The following SMYD3 variants were observed in gnomAD, a reference collection of about 807,000 sequenced individuals.
SMYD3 encodes SET and MYND domain containing 3, also known as histone-lysine N-methyltransferase SMYD3.
A neutral mutation model predicts 57.7 loss-of-function variants in SMYD3; 36 were observed. The observed-to-expected ratio is 0.62, with a 90% CI of 0.48 to 0.82. The LOEUF is 0.82. Ranked by LOEUF, SMYD3 falls within the 40% of genes least tolerant of loss-of-function variation. The pLI is 0.00. For missense variants in SMYD3, 515 were observed against 538.8 expected (o/e 0.96, Z 0.44); for synonymous variants, 211 against 195.0 (o/e 1.08, Z -0.68).
At chr1:246,373,273 T>C (rs1269591244) in intron 1 of SMYD3, among the ~76,000 whole-genome samples, 2 of 152,184 alleles carry the variant, frequency 1.3e-5, no homozygotes, top group Non-Finnish European at 2.9e-5. Flanking sequence ...AAAGGAAATA[T>C]GTATTATTTA....
At chr1:246,295,726 G>A (rs981897087) in intron 5 of SMYD3, among the ~76,000 whole-genome samples, 14 of 152,156 alleles carry the variant, frequency 9.2e-5, no homozygotes, top group African/African-American at 3.4e-4. Flanking sequence ...TACAATACCA[G>A]TTCCATCAAT....
chr1:246,307,132 G>A (rs993820357), intron 5 of SMYD3, among the ~76,000 whole-genome samples: 10 of 152,128 alleles, frequency 6.6e-5, no homozygotes, highest in African/African-American at 2.2e-4. Flanking sequence ...TAGTCCACAT[G>A]AAAAATAGCT....
chr1:245,850,044 T>C (rs1482908110), intron 10 of SMYD3, among the ~76,000 whole-genome samples: 1 of 152,006 alleles, frequency 6.6e-6, no homozygotes, highest in African/African-American at 2.4e-5. Context: ...AGGAATTATG[T>C]ATAACTTGGG....
intron 5 of SMYD3, among the ~76,000 whole-genome samples, chr1:246,257,073 G>T (rs907757912): frequency 6.6e-6 from 1 of 152,154 alleles, no homozygotes; most frequent in Non-Finnish European, 1.5e-5. Flanking sequence ...CTTGCTTTAT[G>T]GCTGAACATG....
rs554361614 is a variant in SMYD3 at position 246,250,799 on chromosome 1, A to G, written c.531+76402T>C. 2.0e-5 allele frequency among the ~76,000 whole-genome samples: 3 copies of G among 152,342 alleles called. No homozygotes were observed. The South Asian group carries it at 6.2e-4, about 32-fold the overall frequency. On this transcript the variant is annotated intron_variant, in intron 5 of 11. Transcript: ENST00000490107. Reference sequence around the variant, plus strand: ...GTGCAACCATCTTTTAATGATAGTTAACTGCTTTAAGAAAGCAATAAACTA... The same window carrying G: ...GTGCAACCATCTTTTAATGATAGTTGACTGCTTTAAGAAAGCAATAAACTA...
chr1:246,169,406 C>T lies in SMYD3; in HGVS notation c.531+157795G>A, dbSNP rs1339594576. 2.3e-4 allele frequency among the ~76,000 whole-genome samples: 14 copies of T among 59,824 alleles called. 1 individual carries two copies. In the South Asian group the frequency reaches 5.9e-3, roughly 25 times the overall value. The allele number at this position is 59,824 out of a possible 152,430, so 39.2% of individuals were successfully genotyped here. ...CAAAAAAAAAAAAAAAAAAAAAAACCTCTAACAATATATGTGAAAAGGGCA... is the reference window on the plus strand; with the variant it reads ...CAAAAAAAAAAAAAAAAAAAAAAACTTCTAACAATATATGTGAAAAGGGCA... On this transcript the variant is annotated intron_variant, in intron 5 of 11. Transcript: ENST00000490107.
intron 5 of SMYD3, among the ~76,000 whole-genome samples, chr1:246,190,330 T>C (rs1337074393): frequency 1.3e-5 from 2 of 152,172 alleles, no homozygotes; most frequent in African/African-American, 4.8e-5. Context: ...CTCACGCCTG[T>C]AATCCCAACA....
intron 10 of SMYD3, among the ~76,000 whole-genome samples, chr1:245,796,169 G>A (rs1400084361): frequency 6.6e-6 from 1 of 152,200 alleles, no homozygotes; most frequent in Non-Finnish European, 1.5e-5. Flanking sequence ...GGGTTGGGAA[G>A]TCTGAGTTTC....
At chr1:246,191,405 C>T (rs2062736979) in intron 5 of SMYD3, among the ~76,000 whole-genome samples, 1 of 152,080 alleles carries the variant, frequency 6.6e-6, no homozygotes, top group Non-Finnish European at 1.5e-5. Context: ...CTTGGGTGGC[C>T]TTGACAAGTT....
intron 10 of SMYD3, among the ~76,000 whole-genome samples, chr1:245,801,123 C>G (rs565263760): frequency 6.6e-6 from 1 of 152,092 alleles, no homozygotes; most frequent in Non-Finnish European, 1.5e-5. Flanking sequence ...ATAAACAGCC[C>G]CACTTAAGAG....
intron 10 of SMYD3, among the ~76,000 whole-genome samples, chr1:245,814,579 A>C (rs2362926): frequency 6.6e-6 from 1 of 152,108 alleles, no homozygotes; most frequent in African/African-American, 2.4e-5. Context: ...CTGCTGCAAG[A>C]TTTTATTTAA....
At chr1:246,261,274 G>T (rs2064005934) in intron 5 of SMYD3, among the ~76,000 whole-genome samples, 2 of 151,560 alleles carry the variant, frequency 1.3e-5, no homozygotes, top group South Asian at 4.2e-4. Context: ...AGCCAGGATG[G>T]TCTCGATCTC....
chr1:246,280,062 G>A (rs1312323698), intron 5 of SMYD3, among the ~76,000 whole-genome samples: 1 of 152,088 alleles, frequency 6.6e-6, no homozygotes, highest in Non-Finnish European at 1.5e-5. Context: ...ACATTAGGTT[G>A]CAAAGAAAAG....
intron 11 of SMYD3, among the ~76,000 whole-genome samples, chr1:245,751,460 G>C (rs1000321610): frequency 6.6e-6 from 1 of 152,030 alleles, no homozygotes; most frequent in East Asian, 1.9e-4. Context: ...TTCACCTCTT[G>C]AATGTTCCCT....
rs1039615546 is a variant in SMYD3 at position 246,138,661 on chromosome 1, G to T, written c.531+188540C>A. On this transcript the variant is annotated intron_variant, in intron 5 of 11. Transcript: ENST00000490107. ...AGGATGGTCTCGATCTCCTGACCTC[G>T]TGATCCGCCCGCCTCGGCCTCCCAA... Among the ~76,000 whole-genome samples the T allele has an allele frequency of 9.1e-5, 12 of 131,916 alleles. 1 individual carries two copies. The highest frequency in any genetic ancestry group is 5.7e-4 in the Admixed American group (7 of 12,276). The allele number at this position is 131,916 out of a possible 152,430, so 86.5% of individuals were successfully genotyped here. A position where few individuals can be genotyped will look rare whatever the true frequency, so the allele number is the denominator to read the frequency against.
chr1:246,369,803 G>C (rs987691880), intron 1 of SMYD3, among the ~76,000 whole-genome samples: 2 of 152,028 alleles, frequency 1.3e-5, no homozygotes, highest in African/African-American at 4.8e-5. Flanking sequence ...GCTAAGATTA[G>C]AGGCGTGATT....
chr1:246,239,296 G>A (rs193039410), intron 5 of SMYD3, among the ~76,000 whole-genome samples: 520 of 152,118 alleles, frequency 3.4e-3, no homozygotes, highest in African/African-American at 0.012. Context: ...CCCACCCTGT[G>A]TCCAAGTGTT....
chr1:245,868,199 G>A (rs2148507529), intron 8 of SMYD3, among the ~76,000 whole-genome samples: 1 of 152,290 alleles, frequency 6.6e-6, no homozygotes, highest in Middle Eastern at 3.4e-3. Context: ...TGAGGTGCAA[G>A]ATAATCCTGA....
chr1:245,813,594 G>A (rs1327053395), intron 10 of SMYD3, among the ~76,000 whole-genome samples: 1 of 152,182 alleles, frequency 6.6e-6, no homozygotes, highest in African/African-American at 2.4e-5. Flanking sequence ...GCAAAACCCT[G>A]TCTAACTAAT....
Sources: allele counts gnomAD v4.1 joint callset (sites outside exome capture counted in the v4.1 genomes callset), GRCh38; gene constraint gnomAD v4.1.1; transcripts MANE v1.5; gene names NCBI Gene and HGNC (gene_info 2026-07-23, HGNC 2026-07-21).